Variants in PEX14 observed in about 807,000 individuals in gnomAD.
The protein encoded by PEX14 is peroxisomal biogenesis factor 14, also known as peroxisomal membrane protein PEX14.
A neutral mutation model predicts 49.5 loss-of-function variants in PEX14; 15 were observed. The observed-to-expected ratio is 0.30, with a 90% confidence interval of 0.20 to 0.47. The LOEUF (loss-of-function observed/expected upper bound fraction) is 0.47. PEX14 is among the 20% of genes least tolerant of loss of function. The pLI is 1.00. For missense variants in PEX14, 398 were observed against 494.8 expected (o/e 0.80, Z 1.86); for synonymous variants, 210 against 212.7 (o/e 0.99, Z 0.11).
Position 10,573,465 on chromosome 1 carries a change from C to G in PEX14, c.170-25773C>G, listed in dbSNP as rs72857029. Among the ~76,000 whole-genome samples the G allele has an allele frequency of 5.9e-3, 905 of 152,288 alleles. 7 individuals carry two copies. Among genetic ancestry groups the G allele is most frequent in the African/African-American group, 0.02 (850 of 41,552 alleles). ...CTCAAATATTTACTTTATTAAGGAG[C>G]ATTTCCAGAGCGTTAATAATCATAT... is the stretch of plus-strand genomic sequence containing the variant. On this transcript the variant is annotated intron_variant, in intron 3 of 8. Coordinates refer to ENST00000356607, the MANE Select transcript of PEX14 (RefSeq NM_004565.3).
At chr1:10,595,235 T>G (rs1640802767) in intron 3 of PEX14, among the ~76,000 whole-genome samples, 1 of 152,158 alleles carries the variant, frequency 6.6e-6, no homozygotes, top group African/African-American at 2.4e-5. Context: ...AGCTCTCAGT[T>G]TTGCATATCA....
intron 3 of PEX14, among the ~76,000 whole-genome samples, chr1:10,545,784 C>G (rs750987034): frequency 1.3e-5 from 2 of 152,184 alleles, no homozygotes; most frequent in Non-Finnish European, 2.9e-5. Context: ...TGGCTCAAGC[C>G]TGTAATCCCA....
intron 3 of PEX14, among the ~76,000 whole-genome samples, chr1:10,591,253 A>T (rs1018383014): frequency 2.0e-5 from 3 of 152,090 alleles, no homozygotes; most frequent in South Asian, 4.2e-4. Context: ...AAAACACATT[A>T]AAAAAAAGCC....
intron 2 of PEX14, among the ~76,000 whole-genome samples, chr1:10,505,091 A>G (rs1198636544): frequency 1.3e-5 from 2 of 152,188 alleles, no homozygotes; most frequent in African/African-American, 4.8e-5. Context: ...TACCTGGCCA[A>G]TGATTATTTC....
At chr1:10,524,523 T>A (rs1308810211) in intron 2 of PEX14, 16 of 479,734 alleles carry the variant, frequency 3.3e-5, no homozygotes, top group Non-Finnish European at 4.4e-5. Context: ...ATAAGTAAAT[T>A]ACATGCTCAT....
rs1641522426 is a variant in PEX14 at position 10,494,484 on chromosome 1, A to G, written c.37-790A>G. Among the ~76,000 whole-genome samples, 1 of 152,174 alleles carries G rather than the reference A, an allele frequency of 6.6e-6. No individual in the cohort carries two copies. Among genetic ancestry groups the G allele is most frequent in the Non-Finnish European group, 1.5e-5 (1 of 68,038 alleles). ...TTGGAGATTTGTAAATTTCTTCAGA[A>G]TCTGTCTCTACCTCTGCCTCTCCCT... On this transcript the variant is annotated intron_variant, in intron 1 of 8. Coordinates refer to ENST00000356607, the MANE Select transcript of PEX14 (RefSeq NM_004565.3). This position sits in a 1 kb window ranked among gnomAD's most constrained non-coding sequence, Gnocchi z 4.3.
At chr1:10,547,280 G>T (rs1639204012) in intron 3 of PEX14, among the ~76,000 whole-genome samples, 1 of 152,216 alleles carries the variant, frequency 6.6e-6, no homozygotes, top group South Asian at 2.1e-4. Context: ...TATCCTGCCT[G>T]CCCATCTGCT....
intron 3 of PEX14, among the ~76,000 whole-genome samples, chr1:10,592,655 G>C (rs191037163): frequency 6.6e-6 from 1 of 152,302 alleles, no homozygotes; most frequent in Admixed American, 6.5e-5. Context: ...ATAATTTAGG[G>C]CTCCAAGGGA....
rs284236 is a variant in PEX14, at chr1:10,618,598, T to C, written c.384+181T>C. Among the ~76,000 whole-genome samples, 151,765 of 152,370 alleles carry C rather than the reference T, an allele frequency of 1. 75,582 individuals carry two copies. Among genetic ancestry groups the C allele is most frequent in the Middle Eastern group, 1 (294 of 294 alleles). ...GATCCAGGCAGACCCTGCCCTGCTG[T>C]GGGGCTTGGCAGGCTCTGCCCACCT... is the stretch of plus-strand genomic sequence containing the variant. On this transcript the variant is annotated intron_variant, in intron 5 of 8. Coordinates refer to ENST00000356607, the MANE Select transcript of PEX14 (RefSeq NM_004565.3).
chr1:10,497,977 T>G (rs975500195), intron 2 of PEX14, among the ~76,000 whole-genome samples: 3 of 152,194 alleles, frequency 2.0e-5, no homozygotes, highest in African/African-American at 7.2e-5. Context: ...ATTTTTCCCC[T>G]TATTAAAAAA....
At chr1:10,568,267 A>G (rs1429084684) in intron 3 of PEX14, among the ~76,000 whole-genome samples, 1 of 151,422 alleles carries the variant, frequency 6.6e-6, no homozygotes, top group Admixed American at 6.6e-5. Flanking sequence ...TATCTTTTTA[A>G]TAAAAGATGA....
intron 2 of PEX14, among the ~76,000 whole-genome samples, chr1:10,502,312 G>A (rs1641696463): frequency 6.6e-6 from 1 of 152,090 alleles, no homozygotes; most frequent in Non-Finnish European, 1.5e-5. Context: ...GCTAAGAACT[G>A]GATGCTGAAA....
chr1:10,561,333 A>G (rs1280684640), intron 3 of PEX14, among the ~76,000 whole-genome samples: 1 of 152,180 alleles, frequency 6.6e-6, no homozygotes, highest in South Asian at 2.1e-4. Flanking sequence ...TTTCACTGCC[A>G]TGTCTCTTTA....
At position 10,495,654 on chromosome 1, in the gene PEX14, TGTTTGAA is replaced by T. The variant is rs1349096459; in HGVS notation, c.84+336_84+342del. Among the ~76,000 whole-genome samples the T allele has an allele frequency of 6.6e-6, 1 of 152,104 alleles. No individual in the cohort carries two copies. The highest frequency in any genetic ancestry group is 2.4e-5 in the African/African-American group (1 of 41,386). Reference sequence around the variant, plus strand: ...GAGTGAGGTGGCTGGGCTTCTAGATTGTTTGAAGTAGCCGCCCTCTGCTCTGCCCCTC... The same window carrying T: ...GAGTGAGGTGGCTGGGCTTCTAGATTGTAGCCGCCCTCTGCTCTGCCCCTC... On this transcript the variant is annotated intron_variant, in intron 2 of 8. Transcript: ENST00000356607. This position sits in a 1 kb window ranked among gnomAD's most constrained non-coding sequence, Gnocchi z 4.2.
intron 8 of PEX14, 77 bp downstream of exon 8, chr1:10,627,440 C>A (rs2124646218): frequency 2.0e-6 from 2 of 1,018,588 alleles, no homozygotes; most frequent in Non-Finnish European, 3.1e-6. Context: ...ATGGGAGGGG[C>A]ATGACGCCCA....
intron 2 of PEX14, among the ~76,000 whole-genome samples, chr1:10,525,916 G>C (rs553638354): frequency 1.1e-4 from 16 of 150,574 alleles, no homozygotes; most frequent in Admixed American, 1.1e-3. Context: ...GAGCCACTGC[G>C]CCTGGCTGAT....
intron 3 of PEX14, among the ~76,000 whole-genome samples, chr1:10,582,936 T>C (rs1023085388): frequency 6.6e-6 from 1 of 152,074 alleles, no homozygotes; most frequent in Non-Finnish European, 1.5e-5. Context: ...GGTTTCACCA[T>C]GTTGGCCAGG....
Position 10,630,178 on chromosome 1 carries a change from T to G in PEX14, c.*191T>G. 6 of 894,688 alleles carry G rather than the reference T, an allele frequency of 6.7e-6. No individual in the cohort carries two copies. The South Asian group carries it at 1.1e-4, about 16-fold the overall frequency. 55.4% of individuals were successfully genotyped at this position (894,688 alleles called of 1,614,324 possible). On this transcript the variant is annotated 3_prime_UTR_variant, in exon 9 of 9. Coordinates refer to ENST00000356607, the MANE Select transcript of PEX14 (RefSeq NM_004565.3). The surrounding 1 kb of genome is among the most constrained non-coding windows in gnomAD (Gnocchi z 4.1). Reference sequence around the variant, plus strand: ...TCTGTCCACCTGGCCTCCTCTCGCCTGGCCGCCAGCCCCAGCCCCAGCCCC... The same window carrying G: ...TCTGTCCACCTGGCCTCCTCTCGCCGGGCCGCCAGCCCCAGCCCCAGCCCC...
intron 2 of PEX14, among the ~76,000 whole-genome samples, chr1:10,516,201 T>C (rs1641967004): frequency 6.6e-6 from 1 of 152,234 alleles, no homozygotes; most frequent in South Asian, 2.1e-4. Context: ...CCTATGTGTC[T>C]TAAGTTTTCA....
Sources: allele counts gnomAD v4.1 joint callset (sites outside exome capture counted in the v4.1 genomes callset), GRCh38; gene constraint gnomAD v4.1.1; non-coding constraint Gnocchi (gnomAD v3.1); transcripts MANE v1.5; gene names NCBI Gene and HGNC (gene_info 2026-07-23, HGNC 2026-07-21).